Variants in GRK3 observed in about 807,000 individuals in gnomAD.
GRK3 encodes G protein-coupled receptor kinase 3.
A neutral mutation model predicts 95.7 loss-of-function variants in GRK3; 54 were observed. The observed-to-expected ratio is 0.56, with a 90% CI of 0.45 to 0.71. GRK3 has a LOEUF of 0.71. GRK3 is among the 30% of genes least tolerant of loss of function. The probability of loss-of-function intolerance (pLI) is 0.00; values close to 1 mark genes in which losing one functional copy is unlikely to be tolerated. For missense variants in GRK3, 649 were observed against 851.2 expected (o/e 0.76, Z 2.96); for synonymous variants, 281 against 290.8 (o/e 0.97, Z 0.34).
intron 6 of GRK3, among the ~76,000 whole-genome samples, chr22:25,671,555 A>G (rs1048296458): frequency 2.0e-5 from 3 of 152,150 alleles, no homozygotes; most frequent in African/African-American, 7.2e-5. Context: ...TTTCTCTTCT[A>G]TACCACCTGT....
Position 25,718,253 on chromosome 22 carries a change from C to G in GRK3, c.1663C>G (p.Leu555Val). ...KQLGHEEDYA[L>V]GKDCIMHGYM... The stretch of plus-strand genomic sequence containing the variant: ...GATTTTGTATTCCTCAGATTACGCT[C>G]TGGGGAAGGACTGTATTATGCACGG... Residue 555 changes from leucine (L) to valine (V), a missense_variant, in exon 19 of 21, where the codon CTG becomes GTG. Leu to Val is a conservative substitution (Grantham distance 32). Transcript: ENST00000324198. The G allele has an allele frequency of 6.2e-7, 1 of 1,613,672 alleles. No homozygotes were observed. The highest frequency in any genetic ancestry group is 8.5e-7 in the Non-Finnish European group (1 of 1,179,744).
intron 1 of GRK3, among the ~76,000 whole-genome samples, chr22:25,601,064 G>A (rs2084406175): frequency 6.6e-6 from 1 of 152,148 alleles, no homozygotes; most frequent in African/African-American, 2.4e-5. Context: ...AATTTTAGTT[G>A]ACGGTTTCAA....
At position 25,625,546 on chromosome 22, in the gene GRK3, C is replaced by T. The variant is rs559757754; in HGVS notation, c.191-19046C>T. 1.1e-4 allele frequency among the ~76,000 whole-genome samples: 16 copies of T among 152,284 alleles called. No homozygotes were observed. The East Asian group carries it at 1.4e-3, about 13-fold the overall frequency. ...GAACAACACTCGCTACTTAGCAGACCGGGAAAGGGAGTCTCCCTTCCCCCG... is the reference window on the plus strand; with the variant it reads ...GAACAACACTCGCTACTTAGCAGACTGGGAAAGGGAGTCTCCCTTCCCCCG... On this transcript the variant is annotated intron_variant, in intron 2 of 20. Coordinates refer to ENST00000324198, the MANE Select transcript of GRK3 (RefSeq NM_005160.4).
chr22:25,670,394 G>C (rs2084971298), intron 6 of GRK3, among the ~76,000 whole-genome samples: 1 of 152,036 alleles, frequency 6.6e-6, no homozygotes, highest in Admixed American at 6.6e-5. Flanking sequence ...CTAGCCACTT[G>C]GGGGGCTGAG....
At chr22:25,568,693 C>T (rs1024793551) in intron 1 of GRK3, among the ~76,000 whole-genome samples, 2 of 152,136 alleles carry the variant, frequency 1.3e-5, no homozygotes, top group Non-Finnish European at 2.9e-5. Flanking sequence ...GTGTGAAATA[C>T]AAAGATTTGA....
rs1402913334 is a variant in GRK3, at chr22:25,725,657, A to T, written c.*3207A>T. 6 of 398,464 alleles carry T rather than the reference A, an allele frequency of 1.5e-5. No individual in the cohort carries two copies. The highest frequency in any genetic ancestry group is 2.2e-5 in the Non-Finnish European group (5 of 226,070). 24.7% of individuals were successfully genotyped at this position (398,464 alleles called of 1,614,324 possible). On this transcript the variant is annotated 3_prime_UTR_variant, in exon 21 of 21. Transcript: ENST00000324198. ...AATTTCAGGTCCTATGTTTAAAAAG[A>T]AGGGGCTGGCCGGGCACGATGGCTC...
intron 19 of GRK3, 75 bp downstream of exon 19, chr22:25,718,456 A>G: frequency 2.7e-6 from 4 of 1,505,678 alleles, no homozygotes; most frequent in South Asian, 1.2e-5. Context: ...TGTTGCTGAC[A>G]TGTTTTATAC....
intron 2 of GRK3, among the ~76,000 whole-genome samples, chr22:25,614,715 A>C (rs1272528211): frequency 6.6e-6 from 1 of 152,244 alleles, no homozygotes; most frequent in East Asian, 1.9e-4. Context: ...TCTTTAAAAA[A>C]ATGACATATC....
chr22:25,690,321 C>G (rs1364372170), intron 12 of GRK3, 38 bp downstream of exon 12: 1 of 1,475,034 alleles, frequency 6.8e-7, no homozygotes, highest in Admixed American at 1.7e-5. Flanking sequence ...CACCATTTCT[C>G]TCCTGCCCTT....
At chr22:25,688,689 G>C (rs902317882) in intron 11 of GRK3, among the ~76,000 whole-genome samples, 3 of 152,194 alleles carry the variant, frequency 2.0e-5, no homozygotes, top group Non-Finnish European at 4.4e-5. Flanking sequence ...TTCCATTCCA[G>C]AACGCGGTGC....
intron 20 of GRK3, among the ~76,000 whole-genome samples, chr22:25,721,872 A>T (rs952590660): frequency 2.6e-5 from 4 of 152,236 alleles, no homozygotes; most frequent in Non-Finnish European, 5.9e-5. Context: ...TTAGAGAAAT[A>T]AACACGTATT....
At chr22:25,648,965 T>C (rs2084808076) in intron 3 of GRK3, 5 of 953,554 alleles carry the variant, frequency 5.2e-6, no homozygotes, top group Non-Finnish European at 3.5e-6. Flanking sequence ...TAAAGTCTGG[T>C]GTCTGCTCAT....
intron 2 of GRK3, among the ~76,000 whole-genome samples, chr22:25,622,019 G>A (rs141959565): frequency 6.6e-6 from 1 of 152,148 alleles, no homozygotes; most frequent in African/African-American, 2.4e-5. Flanking sequence ...ACTGTGTCCT[G>A]TTGGCATCCT....
At chr22:25,605,863 A>C (rs1374662848) in intron 2 of GRK3, among the ~76,000 whole-genome samples, 1 of 152,216 alleles carries the variant, frequency 6.6e-6, no homozygotes, top group African/African-American at 2.4e-5. Flanking sequence ...CTTCAGCATA[A>C]GGCCTTCAAG....
At chr22:25,597,032 G>A (rs2084377242) in intron 1 of GRK3, among the ~76,000 whole-genome samples, 2 of 152,268 alleles carry the variant, frequency 1.3e-5, no homozygotes, top group South Asian at 4.2e-4. Context: ...CACTCATTAT[G>A]AATTACACAT....
intron 3 of GRK3, chr22:25,648,501 A>G: frequency 6.9e-7 from 1 of 1,448,570 alleles, no homozygotes; most frequent in Non-Finnish European, 9.7e-7. Flanking sequence ...GAATGGAACC[A>G]CAAAAGTAGC....
chr22:25,644,556 T>G, intron 2 of GRK3, 36 bp from the exon 3 acceptor site: 1 of 1,062,664 alleles, frequency 9.4e-7, no homozygotes, highest in South Asian at 1.4e-5. Context: ...TTTCAATTAA[T>G]TGCCCACCCT....
At chr22:25,676,654 G>A (rs1194756511) in intron 8 of GRK3, among the ~76,000 whole-genome samples, 1 of 150,262 alleles carries the variant, frequency 6.7e-6, no homozygotes, top group Non-Finnish European at 1.5e-5. Flanking sequence ...TTGCACCATT[G>A]CACTTCAGCC....
chr22:25,673,290 C>A (rs1159860385), intron 7 of GRK3, among the ~76,000 whole-genome samples: 1 of 152,124 alleles, frequency 6.6e-6, no homozygotes, highest in African/African-American at 2.4e-5. Context: ...TCTCTATCTC[C>A]TGACCTCATG....
Sources: gnomAD v4.1 joint callset for allele counts (sites outside exome capture counted in the v4.1 genomes callset) on GRCh38, gnomAD v4.1.1 for gene constraint, MANE v1.5 for transcripts, NCBI Gene and HGNC (gene_info 2026-07-23, HGNC 2026-07-21) for gene names.